The following EXPH5 variants were observed in gnomAD, a reference collection of about 807,000 sequenced individuals.
EXPH5 encodes exophilin-5.
Under a neutral mutation model 41.1 loss-of-function variants are expected in EXPH5, and 42 were observed. The observed-to-expected ratio is 1.02, with a 90% CI of 0.80 to 1.32. EXPH5 has a LOEUF of 1.32. Ranked by LOEUF, EXPH5 falls within the 40% of genes most tolerant of loss-of-function variation. The pLI, the probability that EXPH5 is intolerant of heterozygous loss-of-function variation, is 0.00. For missense variants in EXPH5, 2,298 were observed against 2,314.5 expected (o/e 0.99, Z 0.15); for synonymous variants, 798 against 833.5 (o/e 0.96, Z 0.73).
upstream of EXPH5, chr11:108,593,872 T>G: frequency 1.4e-6 from 1 of 711,018 alleles, no homozygotes; most frequent in Non-Finnish European, 2.1e-6. Flanking sequence ...CCTCGTCCCC[T>G]CCCTCGTCCC....
intron 3 of EXPH5, among the ~76,000 whole-genome samples, chr11:108,532,366 A>ATATATATATATATAT (rs1555192606): frequency 3.1e-5 from 1 of 32,138 alleles, no homozygotes; most frequent in Non-Finnish European, 4.6e-5. Flanking sequence ...ATATATATAT[A>ATATATATATATATAT]TTTTTTTTTT....
upstream of EXPH5, among the ~76,000 whole-genome samples, chr11:108,595,486 C>T (rs2094137557): frequency 6.6e-6 from 1 of 152,152 alleles, no homozygotes; most frequent in South Asian, 2.1e-4. Context: ...TAGGAATCTT[C>T]TCATATTCCC....
intron 1 of EXPH5, among the ~76,000 whole-genome samples, chr11:108,546,317 A>C (rs1591721432): frequency 6.6e-6 from 1 of 152,266 alleles, no homozygotes; most frequent in East Asian, 1.9e-4. Context: ...TCCTAGCTGC[A>C]GGTGGAGAGT....
upstream of EXPH5, among the ~76,000 whole-genome samples, chr11:108,596,336 T>C (rs2094138891): frequency 6.6e-6 from 1 of 151,642 alleles, no homozygotes; most frequent in African/African-American, 2.4e-5. Flanking sequence ...GCAATGTAAG[T>C]GAGAGTAGAA....
intron 1 of EXPH5, among the ~76,000 whole-genome samples, chr11:108,554,054 G>A (rs1472789616): frequency 1.3e-5 from 2 of 149,880 alleles, no homozygotes; most frequent in African/African-American, 4.9e-5. Flanking sequence ...GATGAATGTG[G>A]CCCCTGACCT....
chr11:108,512,128 A>G lies in EXPH5; in HGVS notation c.3379T>C (p.Ser1127Pro), dbSNP rs528789055. The G allele has an allele frequency of 6.2e-7, 1 of 1,613,832 alleles. No homozygotes were observed. The highest frequency in any genetic ancestry group is 1.1e-5 in the South Asian group (1 of 91,004). ...CCAGTTGAGGCATGTGGCTCCCCTG[A>G]GGGACATGACATAGCCCTGTTGATG... is the stretch of plus-strand genomic sequence containing the variant. ...FLINRAMSCPSGEPHASTGRE... is the reference protein window; with the variant it reads ...FLINRAMSCPPGEPHASTGRE... Residue 1127 changes from serine (S) to proline (P), a missense_variant, in exon 6 of 6, where the codon TCA (serine) becomes CCA (proline). Physicochemically the swap from Ser to Pro is moderately conservative, Grantham distance 74 (BLOSUM62 -1). Coordinates refer to ENST00000265843, the MANE Select transcript of EXPH5 (RefSeq NM_015065.3).
chr11:108,510,851 G>T lies in EXPH5; in HGVS notation c.4656C>A (p.Ser1552Arg). The T allele has an allele frequency of 6.2e-7, 1 of 1,614,086 alleles. No individual in the cohort carries two copies. ...QRSQEANMTE[S>R]RKAEDEMQKS... ...TCTGCATTTCATCTTCAGCCTTCCTGCTCTCTGTCATATTTGCCTCCTGAC... is the reference window on the plus strand; with the variant it reads ...TCTGCATTTCATCTTCAGCCTTCCTTCTCTCTGTCATATTTGCCTCCTGAC... Residue 1552 changes from serine to arginine, a missense_variant, in exon 6 of 6, where the codon AGC becomes AGA. Physicochemically the swap from Ser to Arg is moderately radical, Grantham distance 110 (BLOSUM62 -1). Coordinates refer to ENST00000265843, the MANE Select transcript of EXPH5 (RefSeq NM_015065.3).
chr11:108,576,958 C>T (rs191806297), intron 1 of EXPH5, among the ~76,000 whole-genome samples: 1 of 152,250 alleles, frequency 6.6e-6, no homozygotes, highest in African/African-American at 2.4e-5. Flanking sequence ...CTTTTAGCTC[C>T]CATATATGAG....
intron 1 of EXPH5, among the ~76,000 whole-genome samples, chr11:108,590,072 A>G (rs1210877938): frequency 6.6e-6 from 1 of 152,202 alleles, no homozygotes; most frequent in Non-Finnish European, 1.5e-5. Flanking sequence ...TACTAATGAG[A>G]AATATCCAAG....
rs116074778 is a variant in EXPH5 at position 108,533,896 on chromosome 11, G to A, written c.443+5128C>T. 7.1e-3 allele frequency among the ~76,000 whole-genome samples: 1,087 copies of A among 152,272 alleles called. 10 individuals carry two copies. Among genetic ancestry groups the A allele is most frequent in the African/African-American group, 0.023 (976 of 41,558 alleles). ...CTGAAGCTTGACCTTCTGGGCTTAA[G>A]CAATCCTCCTGCCTCAGCCTCCTAA... On this transcript the variant is annotated intron_variant, in intron 3 of 5. Transcript: ENST00000265843.
chr11:108,516,451 A>G (rs2093727524), intron 5 of EXPH5, among the ~76,000 whole-genome samples: 1 of 152,230 alleles, frequency 6.6e-6, no homozygotes, highest in South Asian at 2.1e-4. Context: ...GATTTTGAAT[A>G]GAATCATAAT....
At chr11:108,541,518 A>G (rs1275798161) in intron 2 of EXPH5, 134 bp downstream of exon 2, 2 of 561,134 alleles carry the variant, frequency 3.6e-6, no homozygotes, top group Non-Finnish European at 6.1e-6. Context: ...TTGTATTATA[A>G]ACTTTTGTGG....
At chr11:108,540,589 C>T (rs1230221933) in intron 2 of EXPH5, among the ~76,000 whole-genome samples, 1 of 152,108 alleles carries the variant, frequency 6.6e-6, no homozygotes, top group Non-Finnish European at 1.5e-5. Context: ...AAAATGCAGT[C>T]AATGTGACTC....
At chr11:108,597,818 C>A (rs543761424), upstream of EXPH5, among the ~76,000 whole-genome samples, 5 of 151,742 alleles carry the variant, frequency 3.3e-5, no homozygotes, top group South Asian at 4.2e-4. Flanking sequence ...GGAAAAAGAC[C>A]AAAGAAATTT....
rs2093697593 is a variant in EXPH5 at position 108,513,368 on chromosome 11, C to T, written c.2139G>A (p.Gln713=). 3 of 1,614,046 alleles carry T rather than the reference C, an allele frequency of 1.9e-6. 1 individual carries two copies. Among genetic ancestry groups the T allele is most frequent in the Middle Eastern group, 3.3e-4 (2 of 6,062 alleles). The change falls in exon 6 of 6, where the codon CAG becomes CAA. Residue 713 remains glutamine, a synonymous_variant. Transcript: ENST00000265843. ...LNESISEEDK[Q]LSKMDQTNKA... ...TGTTTGTCTGGTCCATCTTGCTTAG[C>T]TGTTTGTCTTCTTCTGAAATAGATT...
chr11:108,560,520 G>C (rs2094007052), intron 1 of EXPH5, among the ~76,000 whole-genome samples: 1 of 152,200 alleles, frequency 6.6e-6, no homozygotes, highest in Non-Finnish European at 1.5e-5. Flanking sequence ...CTTTAACTTT[G>C]AGCATTCCTC....
Position 108,511,515 on chromosome 11 carries a change from G to A in EXPH5, c.3992C>T (p.Ala1331Val), listed in dbSNP as rs761824769. 14 of 1,598,714 alleles carry A rather than the reference G, an allele frequency of 8.8e-6. No individual in the cohort carries two copies. Among genetic ancestry groups the A allele is most frequent in the Non-Finnish European group, 1.2e-5 (14 of 1,175,256 alleles). The stretch of plus-strand genomic sequence containing the variant: ...GGGCCCCCTATTTGATAATCGGAAG[G>A]CAGTCATATTTTCAGTGGTGAGCGT... ...DQTLTTENMT[A>V]FRLSNRGPLA... is the part of the protein sequence containing the mutation. Residue 1331 changes from alanine to valine, a missense_variant, in exon 6 of 6, where the codon GCC (alanine) becomes GTC (valine). Ala to Val is a moderately conservative substitution (Grantham distance 64). Coordinates refer to ENST00000265843, the MANE Select transcript of EXPH5 (RefSeq NM_015065.3).
chr11:108,557,906 G>T (rs2093996677), intron 1 of EXPH5, among the ~76,000 whole-genome samples: 1 of 152,044 alleles, frequency 6.6e-6, no homozygotes, highest in South Asian at 2.1e-4. Flanking sequence ...AAATTAGGGG[G>T]TTGAACTAGA....
At chr11:108,555,521 T>C (rs1251189261) in intron 1 of EXPH5, among the ~76,000 whole-genome samples, 1 of 152,176 alleles carries the variant, frequency 6.6e-6, no homozygotes, top group Non-Finnish European at 1.5e-5. Flanking sequence ...GCCACCTCCC[T>C]GGCCCAAGTC....
Sources: allele counts gnomAD v4.1 joint callset (sites outside exome capture counted in the v4.1 genomes callset), GRCh38; gene constraint gnomAD v4.1.1; transcripts MANE v1.5; gene names NCBI Gene and HGNC (gene_info 2026-07-23, HGNC 2026-07-21).